Variants in PABPC1L observed in about 807,000 individuals in gnomAD.
PABPC1L encodes the protein poly(A) binding protein cytoplasmic 1 like.
In PABPC1L, 31 loss-of-function variants were observed where a neutral mutation model predicts 66.6. The observed-to-expected ratio is 0.47, with a 90% CI of 0.35 to 0.63. The LOEUF (loss-of-function observed/expected upper bound fraction) is 0.63, where lower values mean the gene tolerates loss of function less well. Ranked by LOEUF, PABPC1L falls within the 20% of genes least tolerant of loss-of-function variation. PABPC1L has a pLI of 0.00. For missense variants in PABPC1L, 722 were observed against 848.8 expected, an observed-to-expected ratio of 0.85 and a Z score of 1.86; for synonymous variants, 348 against 335.1, an observed-to-expected ratio of 1.04 and a Z score of -0.42.
chr20:44,923,556 G>A (rs1229643267), intron 6 of PABPC1L, among the ~76,000 whole-genome samples: 1 of 151,886 alleles, frequency 6.6e-6, no homozygotes, highest in African/African-American at 2.4e-5. Context: ...TTGAACCCGC[G>A]AGGCAGAGGT....
intron 7 of PABPC1L, among the ~76,000 whole-genome samples, chr20:44,927,751 T>C (rs1341817830): frequency 6.6e-6 from 1 of 152,126 alleles, no homozygotes; most frequent in East Asian, 1.9e-4. Flanking sequence ...AATGCAGTGG[T>C]GCCATCACAG....
At chr20:44,938,998 T>C in intron 14 of PABPC1L, 128 bp from the exon 15 acceptor site, 2 of 680,746 alleles carry the variant, frequency 2.9e-6, no homozygotes, top group Non-Finnish European at 5.4e-6. Flanking sequence ...AGTTTGGGCT[T>C]TCCCAGGGCC....
intron 7 of PABPC1L, among the ~76,000 whole-genome samples, chr20:44,929,794 CA>C (rs569532056): frequency 0.043 from 4,347 of 101,086 alleles, 182 homozygotes; most frequent in African/African-American, 0.13. Flanking sequence ...AACTATGTCT[CA>C]AAAAAAAAAA....
At chr20:44,933,247 C>A (rs1286708844) in intron 10 of PABPC1L, 62 bp downstream of exon 10, 39 of 1,383,782 alleles carry the variant, frequency 2.8e-5, no homozygotes, top group Non-Finnish European at 3.8e-5. Flanking sequence ...GGAGTCAGGA[C>A]CAGCCTCCAT....
rs912335882 is a variant in PABPC1L at position 44,924,328 on chromosome 20, A to C, written c.972+72A>C. Reference sequence around the variant, plus strand: ...CTCACCACCATCCCCCCACAACCCCACCCCTCCACCCTCTCGCCCAGCAGC... The same window carrying C: ...CTCACCACCATCCCCCCACAACCCCCCCCCTCCACCCTCTCGCCCAGCAGC... On this transcript the variant is annotated intron_variant, in intron 7 of 14. Transcript: ENST00000217073. The C allele has an allele frequency of 1.0e-5, 12 of 1,177,476 alleles. No homozygotes were observed. The African/African-American group carries it at 1.8e-4, about 18-fold the overall frequency. 72.9% of individuals were successfully genotyped at this position (1,177,476 alleles called of 1,614,324 possible). A position where few individuals can be genotyped will look rare whatever the true frequency, so the allele number is the denominator to read the frequency against.
At chr20:44,916,283 A>AT (rs1175396047) in intron 2 of PABPC1L, among the ~76,000 whole-genome samples, 4 of 151,886 alleles carry the variant, frequency 2.6e-5, no homozygotes, top group Admixed American at 6.6e-5. Context: ...TTCTGTTTTT[A>AT]TTTTTTTGAC....
chr20:44,932,342 C>T lies in PABPC1L; in HGVS notation c.1240C>T (p.Pro414Ser). Reference protein sequence around the residue: ...SSYFLPAMPQPPAQAAYYGCG... With the variant: ...SSYFLPAMPQSPAQAAYYGCG... ...GTCTGGGTCTTCTTTTCCCATGCAG[C>T]CTCCAGCCCAGGCTGCATACTATGG... The change falls in exon 9 of 15, where the codon CCT (proline) becomes TCT (serine). Residue 414 changes from proline to serine, a missense_variant and splice_region_variant. Transcript: ENST00000217073. 6.2e-7 allele frequency: 1 copy of T among 1,604,920 alleles called. No homozygotes were observed. The highest frequency in any genetic ancestry group is 1.3e-5 in the African/African-American group (1 of 74,704).
At position 44,917,361 on chromosome 20, in the gene PABPC1L, A is replaced by ATTT. The variant is rs11483820; in HGVS notation, c.503+505_503+507dup. Among the ~76,000 whole-genome samples the ATTT allele has an allele frequency of 8.2e-4, 107 of 130,612 alleles. 2 individuals are homozygous for ATTT. Among genetic ancestry groups the ATTT allele is most frequent in the African/African-American group, 2.2e-3 (75 of 34,426 alleles). 85.7% of individuals were successfully genotyped at this position (130,612 alleles called of 152,430 possible). On this transcript the variant is annotated intron_variant, in intron 3 of 14. Coordinates refer to ENST00000217073, the MANE Select transcript of PABPC1L (RefSeq NM_001372179.1). ...GCCACCATACCTGGCTAATTTTTTG[A>ATTT]TTTTTTTTTTTTTTTTTGTAGAGAT...
Position 44,918,924 on chromosome 20 carries a change from GT to G in PABPC1L, c.523del (p.Ser175LeufsTer21). 6.3e-7 allele frequency: 1 copy of G among 1,598,738 alleles called. No individual in the cohort carries two copies. Among genetic ancestry groups the G allele is most frequent in the Non-Finnish European group, 8.5e-7 (1 of 1,172,606 alleles). Reference sequence around the variant, plus strand: ...TCCACAGCTTTGTGGGTCACTTCAAGTCTCGACGGGAGCGGGAGGCGGAGCT... The same window carrying G: ...TCCACAGCTTTGTGGGTCACTTCAAGCTCGACGGGAGCGGGAGGCGGAGCT... ...DRKVFVGHFK[S>X]RREREAELGA... On this transcript the variant is annotated frameshift_variant, in exon 4 of 15. Coordinates refer to ENST00000217073, the MANE Select transcript of PABPC1L (RefSeq NM_001372179.1). LOFTEE classifies it high-confidence loss of function.
At chr20:44,917,585 T>C (rs975024507) in intron 3 of PABPC1L, among the ~76,000 whole-genome samples, 2 of 152,152 alleles carry the variant, frequency 1.3e-5, no homozygotes, top group African/African-American at 2.4e-5. Context: ...CTCATCATAC[T>C]GTTAACTTCG....
chr20:44,916,038 T>A (rs2066735735), intron 2 of PABPC1L, among the ~76,000 whole-genome samples: 1 of 152,126 alleles, frequency 6.6e-6, no homozygotes, highest in South Asian at 2.1e-4. Context: ...TCAGGCCATG[T>A]AACCTACCAC....
chr20:44,911,883 C>T (rs913831891), intron 1 of PABPC1L, among the ~76,000 whole-genome samples: 1 of 152,232 alleles, frequency 6.6e-6, no homozygotes, highest in African/African-American at 2.4e-5. Context: ...TTCCCCACAG[C>T]CCCCTTCCAT....
intron 1 of PABPC1L, 135 bp from the exon 2 acceptor site, chr20:44,912,525 A>G: frequency 1.4e-6 from 1 of 721,106 alleles, no homozygotes; most frequent in East Asian, 2.7e-5. Context: ...TTGGGCTCTT[A>G]TCTTGGCTTA....
At position 44,938,203 on chromosome 20, in the gene PABPC1L, C is replaced by T. The variant is rs965866214; in HGVS notation, c.1791+12C>T. ...CCCTCCATGCCAAGGTAAGCAGGAG[C>T]CTGGGCAGCAGGGAGCCCGAGGGGG... On this transcript the variant is annotated intron_variant, in intron 13 of 14. Coordinates refer to ENST00000217073, the MANE Select transcript of PABPC1L (RefSeq NM_001372179.1). 1.9e-6 allele frequency: 3 copies of T among 1,612,390 alleles called. No individual in the cohort carries two copies. The highest frequency in any genetic ancestry group is 2.7e-5 in the African/African-American group (2 of 74,944).
In PABPC1L at chr20:44,936,644, A is replaced by G; in HGVS notation, c.1574A>G (p.Glu525Gly). The G allele has an allele frequency of 6.3e-7, 1 of 1,595,270 alleles. No homozygotes were observed. The highest frequency in any genetic ancestry group is 8.5e-7 in the Non-Finnish European group (1 of 1,172,000). Reference protein sequence around the residue: ...SAAHSTYRVQEPAVHIPGQEP... With the variant: ...SAAHSTYRVQGPAVHIPGQEP... Reference sequence around the variant, plus strand: ...GTCCCCGGCACCATGCAGGTCCAGGAGCCGGCTGTGCACATCCCAGGACAG... The same window carrying G: ...GTCCCCGGCACCATGCAGGTCCAGGGGCCGGCTGTGCACATCCCAGGACAG... Residue 525 changes from glutamate (E) to glycine (G), a missense_variant, in exon 12 of 15, where the codon GAG becomes GGG. Glu to Gly is a moderately conservative substitution (Grantham distance 98). Coordinates refer to ENST00000217073, the MANE Select transcript of PABPC1L (RefSeq NM_001372179.1).
intron 7 of PABPC1L, among the ~76,000 whole-genome samples, chr20:44,927,021 A>G (rs1295149125): frequency 2.0e-5 from 3 of 151,854 alleles, no homozygotes; most frequent in Non-Finnish European, 4.4e-5. Context: ...GACCACAGGC[A>G]TGTGCCACCA....
At chr20:44,912,876 C>G (rs778043160) in intron 2 of PABPC1L, 23 bp downstream of exon 2, 1 of 1,587,526 alleles carries the variant, frequency 6.3e-7, no homozygotes, top group Non-Finnish European at 8.6e-7. Flanking sequence ...GGGTGTACGT[C>G]TTTGGGTAGA....
At chr20:44,937,038 T>C (rs967502074) in intron 12 of PABPC1L, 3 of 519,816 alleles carry the variant, frequency 5.8e-6, no homozygotes, top group African/African-American at 5.8e-5. Flanking sequence ...GGGTATGGTC[T>C]TGGGTTTCTG....
rs1247665595 is a variant in PABPC1L at position 44,921,698 on chromosome 20, G to A, written c.843G>A (p.Glu281=). 1.9e-6 allele frequency: 3 copies of A among 1,613,888 alleles called. No individual in the cohort carries two copies. Among genetic ancestry groups the A allele is most frequent in the East Asian group, 2.2e-5 (1 of 44,820 alleles). ...ERQNELKRRF[E]QMKQDRLRRY... ...AGAATGAACTGAAGCGCAGGTTTGA[G>A]CAGATGAAGCAGGACCGGCTGAGGC... The change falls in exon 6 of 15, where the codon GAG becomes GAA. Residue 281 remains glutamate (E), a synonymous_variant. Coordinates refer to ENST00000217073, the MANE Select transcript of PABPC1L (RefSeq NM_001372179.1).
Sources: allele counts gnomAD v4.1 joint callset (sites outside exome capture counted in the v4.1 genomes callset), GRCh38; gene constraint gnomAD v4.1.1; transcripts MANE v1.5; gene names NCBI Gene and HGNC (gene_info 2026-07-23, HGNC 2026-07-21).